Variants in DAB1 observed in about 807,000 individuals in gnomAD.
The protein encoded by DAB1 is disabled homolog 1.
Under a neutral mutation model 64.6 loss-of-function variants are expected in DAB1, and 15 were observed. The observed-to-expected ratio is 0.23, with a 90% CI of 0.16 to 0.36. The LOEUF (loss-of-function observed/expected upper bound fraction) is 0.36, where lower values mean the gene tolerates loss of function less well. DAB1 is among the 10% of genes least tolerant of loss of function. DAB1 has a pLI of 1.00. For missense variants in DAB1, 596 were observed against 706.7 expected (o/e 0.84, Z 1.78); for synonymous variants, 235 against 251.9 (o/e 0.93, Z 0.64).
In DAB1 at chr1:58,545,037, T is replaced by C. The variant is rs182367664; in HGVS notation, n.32+1666A>G. Among the ~76,000 whole-genome samples the C allele has an allele frequency of 2.1e-3, 317 of 152,294 alleles. 1 individual carries two copies. The highest frequency in any genetic ancestry group is 6.2e-3 in the African/African-American group (258 of 41,552). On this transcript the variant is annotated intron_variant and non_coding_transcript_variant, in intron 1 of 20. Transcript: ENST00000485760. ...GTCATGAGCCACCACGCCTGGACTT[T>C]CGTTGGTTTTCCATGGCTTCCACAA...
chr1:57,828,059 C>T (rs558470503), intron 1 of DAB1, among the ~76,000 whole-genome samples: 5 of 152,298 alleles, frequency 3.3e-5, no homozygotes, highest in Non-Finnish European at 7.3e-5. Context: ...CATTCTCCTG[C>T]CTCAGCCTCC....
intron 5 of DAB1, among the ~76,000 whole-genome samples, chr1:58,051,657 C>T (rs1189124872): frequency 6.6e-6 from 1 of 152,182 alleles, no homozygotes; most frequent in East Asian, 1.9e-4. Context: ...AATTTACACT[C>T]CCATGAACAG....
chr1:57,959,906 G>C (rs1016522305), intron 5 of DAB1, among the ~76,000 whole-genome samples: 2 of 152,164 alleles, frequency 1.3e-5, no homozygotes, highest in East Asian at 3.9e-4. Context: ...ATTAATTGTG[G>C]CTTCTTTATA....
At chr1:57,358,769 T>TA (rs1270091220) in intron 1 of DAB1, among the ~76,000 whole-genome samples, 1 of 151,928 alleles carries the variant, frequency 6.6e-6, no homozygotes, top group Non-Finnish European at 1.5e-5. Flanking sequence ...GGTACTGGCA[T>TA]AAAAACAGAC....
chr1:58,415,444 T>A (rs1320480551), intron 3 of DAB1: 2 of 244,118 alleles, frequency 8.2e-6, no homozygotes, highest in Non-Finnish European at 1.3e-5. Context: ...TCCACTGGGC[T>A]CTTTCAAAGT....
chr1:57,745,586 A>C (rs1648224434), intron 6 of DAB1, among the ~76,000 whole-genome samples: 1 of 152,132 alleles, frequency 6.6e-6, no homozygotes, highest in South Asian at 2.1e-4. Flanking sequence ...ACCAGATATG[A>C]CTTTTAAAGG....
intron 1 of DAB1, chr1:58,536,840 G>C (rs1646524738): frequency 1.3e-5 from 9 of 687,850 alleles, no homozygotes; most frequent in Non-Finnish European, 2.1e-5. Flanking sequence ...TCAAATACCT[G>C]AATTTGTATG....
intron 3 of DAB1, among the ~76,000 whole-genome samples, chr1:58,415,855 A>C (rs2100212087): frequency 6.6e-6 from 1 of 152,268 alleles, no homozygotes; most frequent in East Asian, 1.9e-4. Context: ...CCACCAACTG[A>C]ATGTTGCATT....
At chr1:57,367,112 A>ATAAAATAAAATAAAATAAAATAAAATAAG in intron 1 of DAB1, among the ~76,000 whole-genome samples, 1 of 113,022 alleles carries the variant, frequency 8.8e-6, no homozygotes, top group African/African-American at 3.4e-5. Flanking sequence ...ATAAAATAAA[A>ATAAAATAAAATAAAATAAAATAAAATAAG]TAAAATAAAT....
intron 3 of DAB1, among the ~76,000 whole-genome samples, chr1:58,396,605 A>G (rs1644524569): frequency 6.6e-6 from 1 of 152,124 alleles, no homozygotes; most frequent in South Asian, 2.1e-4. Flanking sequence ...AGAAACCAGC[A>G]TGCAGAGACA....
chr1:57,725,382 C>A (rs1029908058), intron 6 of DAB1, among the ~76,000 whole-genome samples: 1 of 152,180 alleles, frequency 6.6e-6, no homozygotes, highest in African/African-American at 2.4e-5. Flanking sequence ...AACCCGGAGT[C>A]GTGATGGTGT....
At chr1:57,077,122 C>G (rs563859960) in intron 4 of DAB1, among the ~76,000 whole-genome samples, 66 of 152,194 alleles carry the variant, frequency 4.3e-4, no homozygotes, top group African/African-American at 1.5e-3. Flanking sequence ...AGGGGGTGAC[C>G]TTGAATTGAG....
intron 3 of DAB1, among the ~76,000 whole-genome samples, chr1:58,392,339 C>A (rs1344458703): frequency 6.6e-6 from 1 of 152,172 alleles, no homozygotes; most frequent in South Asian, 2.1e-4. Context: ...ATGCAAATTT[C>A]TCTTTTGGTC....
chr1:57,466,231 C>A (rs1048984988), intron 7 of DAB1, among the ~76,000 whole-genome samples: 1 of 152,148 alleles, frequency 6.6e-6, no homozygotes, highest in African/African-American at 2.4e-5. Flanking sequence ...ATTAAACTAT[C>A]TTATATAGAG....
intron 2 of DAB1, among the ~76,000 whole-genome samples, chr1:57,220,362 G>A (rs1666766848): frequency 6.6e-6 from 1 of 152,176 alleles, no homozygotes; most frequent in Admixed American, 6.5e-5. Flanking sequence ...ATTCCCAGGA[G>A]GGCTTGGTGG....
chr1:58,069,145 G>T (rs928329971), intron 5 of DAB1, among the ~76,000 whole-genome samples: 1 of 152,176 alleles, frequency 6.6e-6, no homozygotes, highest in Admixed American at 6.5e-5. Flanking sequence ...CTCATTCCAT[G>T]TAGACTTCAA....
intron 9 of DAB1, among the ~76,000 whole-genome samples, chr1:57,047,204 A>G (rs1329812638): frequency 6.6e-6 from 1 of 152,176 alleles, no homozygotes; most frequent in Non-Finnish European, 1.5e-5. Context: ...CCTAATCCCA[A>G]CAATAGTTTG....
At chr1:58,501,721 C>T (rs568544465) in intron 3 of DAB1, among the ~76,000 whole-genome samples, 1 of 152,272 alleles carries the variant, frequency 6.6e-6, no homozygotes, top group Admixed American at 6.5e-5. Flanking sequence ...CCCATCTCTG[C>T]TCACACATAA....
intron 9 of DAB1, among the ~76,000 whole-genome samples, chr1:57,045,473 G>A (rs536881657): frequency 2.6e-5 from 4 of 152,248 alleles, no homozygotes; most frequent in South Asian, 2.1e-4. Flanking sequence ...CAAGGCAGGC[G>A]GATCACTTGA....
Sources: gnomAD v4.1 joint callset for allele counts (sites outside exome capture counted in the v4.1 genomes callset) on GRCh38, gnomAD v4.1.1 for gene constraint, MANE v1.5 for transcripts, NCBI Gene and HGNC (gene_info 2026-07-23, HGNC 2026-07-21) for gene names.